The following PRMT8 variants were observed in gnomAD, a reference collection of about 807,000 sequenced individuals.
The protein encoded by PRMT8 is protein arginine methyltransferase 8.
In PRMT8, 7 loss-of-function variants were observed where a neutral mutation model predicts 47.1. The observed-to-expected ratio is 0.15, with a 90% CI of 0.08 to 0.28. The LOEUF is 0.28. Ranked by LOEUF, PRMT8 falls within the 10% of genes least tolerant of loss-of-function variation. The pLI is 1.00. For synonymous variants in PRMT8, 188 were observed against 186.5 expected (o/e 1.01, Z -0.07); for missense variants, 237 against 505.4 (o/e 0.47, Z 5.09).
chr12:3,472,561 A>G (rs1865171713), intron 1 of PRMT8, among the ~76,000 whole-genome samples: 1 of 152,202 alleles, frequency 6.6e-6, no homozygotes, highest in Non-Finnish European at 1.5e-5. Context: ...CTCAACTGTA[A>G]GGCTAGGATA....
At position 3,550,317 on chromosome 12, in the gene PRMT8, A is replaced by G. The variant is rs553729104; in HGVS notation, c.417+226A>G. The G allele has an allele frequency of 5.7e-6, 3 of 524,422 alleles. No individual in the cohort carries two copies. The Admixed American group carries it at 9.3e-5, about 16-fold the overall frequency. 32.5% of individuals were successfully genotyped at this position (524,422 alleles called of 1,614,324 possible). On this transcript the variant is annotated intron_variant, in intron 3 of 9. Transcript: ENST00000382622. The surrounding 1 kb of genome is among the most constrained non-coding windows in gnomAD (Gnocchi z 5.1). ...TACAACCACTGACATTTGCGGAGGA[A>G]CTGTGGCTTTCCTGAGACCATTCCA... is the stretch of plus-strand genomic sequence containing the variant.
At chr12:3,421,492 A>G (rs1864540510) in intron 1 of PRMT8, among the ~76,000 whole-genome samples, 2 of 152,178 alleles carry the variant, frequency 1.3e-5, no homozygotes. Context: ...TGGTGCCAGG[A>G]CCGGTGGGAG....
At chr12:3,574,915 G>A (rs1245978472) in intron 6 of PRMT8, among the ~76,000 whole-genome samples, 3 of 152,226 alleles carry the variant, frequency 2.0e-5, no homozygotes, top group African/African-American at 7.2e-5. Flanking sequence ...TCTTGAGAAA[G>A]ACACAGAAGG....
intron 1 of PRMT8, among the ~76,000 whole-genome samples, chr12:3,498,124 G>C (rs1026793329): frequency 1.1e-4 from 17 of 152,182 alleles, no homozygotes; most frequent in African/African-American, 3.9e-4. Flanking sequence ...AACTTAAAAT[G>C]CTCGCTTATT....
chr12:3,389,304 C>G (rs1591535780), intron 1 of PRMT8, among the ~76,000 whole-genome samples: 1 of 152,276 alleles, frequency 6.6e-6, no homozygotes, highest in East Asian at 1.9e-4. Flanking sequence ...TGGTGACAGA[C>G]AGATCTGGGG....
At chr12:3,470,992 G>A (rs75597490) in intron 1 of PRMT8, among the ~76,000 whole-genome samples, 1 of 152,174 alleles carries the variant, frequency 6.6e-6, no homozygotes, top group Non-Finnish European at 1.5e-5. Flanking sequence ...CTGGGCGGAA[G>A]CTGGGGGTTG....
At chr12:3,454,895 G>T (rs780508698) in intron 1 of PRMT8, among the ~76,000 whole-genome samples, 1 of 152,110 alleles carries the variant, frequency 6.6e-6, no homozygotes, top group Non-Finnish European at 1.5e-5. Context: ...AGTCCTTCAG[G>T]TCCTACATAC....
At chr12:3,381,557 G>T in intron 1 of PRMT8, 1 of 942,800 alleles carries the variant, frequency 1.1e-6, no homozygotes, top group Non-Finnish European at 1.6e-6. Flanking sequence ...CATCTGCAGA[G>T]CCTGCTCACG....
intron 1 of PRMT8, among the ~76,000 whole-genome samples, chr12:3,448,966 T>A (rs1246123059): frequency 6.6e-6 from 1 of 152,142 alleles, no homozygotes; most frequent in Non-Finnish European, 1.5e-5. Flanking sequence ...CAGCTCCCAC[T>A]TATAAGTGAG....
At chr12:3,404,542 A>C (rs576664071) in intron 1 of PRMT8, among the ~76,000 whole-genome samples, 1 of 152,302 alleles carries the variant, frequency 6.6e-6, no homozygotes, top group African/African-American at 2.4e-5. Flanking sequence ...ATTTCCAAAA[A>C]CTATCCTTTT....
At chr12:3,467,150 G>A (rs1865106312) in intron 1 of PRMT8, among the ~76,000 whole-genome samples, 1 of 136,234 alleles carries the variant, frequency 7.3e-6, no homozygotes, top group Admixed American at 9.0e-5. Flanking sequence ...TGAGGCAGGA[G>A]AATGGCATGA....
chr12:3,559,337 T>A (rs1866590101), intron 4 of PRMT8, among the ~76,000 whole-genome samples: 1 of 152,154 alleles, frequency 6.6e-6, no homozygotes, highest in Admixed American at 6.5e-5. Context: ...TCTCCCTGAT[T>A]CCAATTAGTG....
upstream of PRMT8, among the ~76,000 whole-genome samples, chr12:3,490,152 T>C (rs181192130): frequency 5.3e-4 from 81 of 152,190 alleles, no homozygotes; most frequent in Non-Finnish European, 8.5e-4. Flanking sequence ...GACAGCCGGG[T>C]GCTCAGGGAG....
At chr12:3,417,052 C>A (rs898441435) in intron 1 of PRMT8, among the ~76,000 whole-genome samples, 1 of 152,238 alleles carries the variant, frequency 6.6e-6, no homozygotes, top group Non-Finnish European at 1.5e-5. Context: ...TTATACTGAT[C>A]TGAAGCCAGA....
rs373833468 is a variant in PRMT8 at position 3,456,741 on chromosome 12, G to A, written c.48+75299G>A. ...AACCCGTGAGAAGGGGCCAACGCCCGGAGCAGCCACCGTTTCTTACACCCT... is the reference window on the plus strand; with the variant it reads ...AACCCGTGAGAAGGGGCCAACGCCCAGAGCAGCCACCGTTTCTTACACCCT... On this transcript the variant is annotated intron_variant, in intron 1 of 9. Transcript: ENST00000452611. This position sits in a 1 kb window ranked among gnomAD's most constrained non-coding sequence, Gnocchi z 4.2. Among the ~76,000 whole-genome samples, 447 of 152,204 alleles carry A rather than the reference G, an allele frequency of 2.9e-3. 2 individuals carry two copies. Among genetic ancestry groups the A allele is most frequent in the African/African-American group, 0.01 (418 of 41,524 alleles).
At chr12:3,426,780 A>G (rs1018765426) in intron 1 of PRMT8, among the ~76,000 whole-genome samples, 5 of 152,130 alleles carry the variant, frequency 3.3e-5, no homozygotes, top group African/African-American at 1.2e-4. Context: ...ACTATGCCCT[A>G]CAACTCTAGA....
intron 1 of PRMT8, among the ~76,000 whole-genome samples, chr12:3,389,732 G>A (rs1283892503): frequency 1.3e-5 from 2 of 152,200 alleles, no homozygotes; most frequent in Non-Finnish European, 2.9e-5. Flanking sequence ...GCGGCTGCTT[G>A]GGAGTTTGCT....
At position 3,583,646 on chromosome 12, in the gene PRMT8, C is replaced by G. The variant is rs1158735464; in HGVS notation, c.979+438C>G. 2.0e-5 allele frequency among the ~76,000 whole-genome samples: 3 copies of G among 152,214 alleles called. No homozygotes were observed. The highest frequency in any genetic ancestry group is 6.5e-5 in the Admixed American group (1 of 15,284). On this transcript the variant is annotated intron_variant, in intron 8 of 9. Transcript: ENST00000382622. The surrounding 1 kb of genome is among the most constrained non-coding windows in gnomAD (Gnocchi z 4.7). ...TGGTCTCTATGTCTCCTTCCCTTCT[C>G]CCTTACTTTCACACCAACCCATCCT...
intron 1 of PRMT8, among the ~76,000 whole-genome samples, chr12:3,411,091 C>T (rs1864424509): frequency 6.6e-6 from 1 of 152,182 alleles, no homozygotes; most frequent in Non-Finnish European, 1.5e-5. Flanking sequence ...CTGGTTTACT[C>T]TTGTAACTAG....
Sources: gnomAD v4.1 joint callset for allele counts (sites outside exome capture counted in the v4.1 genomes callset) on GRCh38, gnomAD v4.1.1 for gene constraint, Gnocchi (gnomAD v3.1) non-coding constraint, MANE v1.5 for transcripts, NCBI Gene and HGNC (gene_info 2026-07-23, HGNC 2026-07-21) for gene names.